Variants in SND1 observed in about 807,000 individuals in gnomAD.
SND1 encodes staphylococcal nuclease and tudor domain containing 1.
SND1 carries 38 observed loss-of-function variants against 121.7 expected under a neutral mutation model. The observed-to-expected ratio is 0.31, with a 90% CI of 0.24 to 0.41. The LOEUF is 0.41. SND1 is among the 10% of genes least tolerant of loss of function. The pLI is 1.00. For missense variants in SND1, 868 were observed against 1,184.6 expected, an observed-to-expected ratio of 0.73 and a Z score of 3.92; for synonymous variants, 401 against 447.4, an observed-to-expected ratio of 0.90 and a Z score of 1.31.
chr7:127,938,270 T>C (rs1460348170), intron 15 of SND1, among the ~76,000 whole-genome samples: 1 of 152,216 alleles, frequency 6.6e-6, no homozygotes, highest in Non-Finnish European at 1.5e-5. Flanking sequence ...TTGGGTAGTG[T>C]TTTTTAATGA....
intron 10 of SND1, among the ~76,000 whole-genome samples, chr7:127,722,861 A>G (rs531703050): frequency 6.6e-6 from 1 of 152,274 alleles, no homozygotes; most frequent in South Asian, 2.1e-4. Context: ...GTATTATGGT[A>G]AGGTTGAGAA....
At chr7:127,785,237 G>A (rs1797790907) in intron 10 of SND1, among the ~76,000 whole-genome samples, 1 of 152,134 alleles carries the variant, frequency 6.6e-6, no homozygotes, top group Non-Finnish European at 1.5e-5. Flanking sequence ...ACCAGTGGAA[G>A]GAAGGAAGGG....
intron 16 of SND1, among the ~76,000 whole-genome samples, chr7:128,046,365 G>GTTTTTTT (rs373853260): frequency 8.7e-6 from 1 of 115,250 alleles, no homozygotes; most frequent in Non-Finnish European, 1.8e-5. Context: ...TTGTTGTTGT[G>GTTTTTTT]TTTTTTTTTT....
chr7:127,919,703 G>T (rs1800658063), intron 14 of SND1, among the ~76,000 whole-genome samples: 1 of 152,146 alleles, frequency 6.6e-6, no homozygotes, highest in Admixed American at 6.5e-5. Context: ...GATGTTTATT[G>T]TAGTATTCCT....
At chr7:128,067,950 C>T (rs1279680453) in intron 16 of SND1, among the ~76,000 whole-genome samples, 1 of 152,082 alleles carries the variant, frequency 6.6e-6, no homozygotes, top group Non-Finnish European at 1.5e-5. Flanking sequence ...CCCCCAGTGC[C>T]CTCGGCTCCC....
intron 16 of SND1, among the ~76,000 whole-genome samples, chr7:128,002,155 C>T (rs1189526007): frequency 6.6e-6 from 1 of 152,204 alleles, no homozygotes; most frequent in Non-Finnish European, 1.5e-5. Context: ...TACCCCTATT[C>T]GGGTTGTCCA....
At chr7:127,864,449 CTG>C (rs547363162) in intron 12 of SND1, among the ~76,000 whole-genome samples, 8 of 152,116 alleles carry the variant, frequency 5.3e-5, no homozygotes, top group African/African-American at 1.9e-4. Flanking sequence ...TTATTTGAAT[CTG>C]TGAGCATGTC....
intron 10 of SND1, among the ~76,000 whole-genome samples, chr7:127,795,535 GTAT>G (rs2116551087): frequency 6.6e-6 from 1 of 152,194 alleles, no homozygotes; most frequent in Admixed American, 6.5e-5. Flanking sequence ...ACTCTGAATG[GTAT>G]TATATGTGTT....
intron 12 of SND1, among the ~76,000 whole-genome samples, chr7:127,856,407 A>G (rs1336648050): frequency 6.6e-6 from 1 of 152,220 alleles, no homozygotes; most frequent in Non-Finnish European, 1.5e-5. Context: ...GCCATAGTCC[A>G]TGGAGCTTTT....
At chr7:127,867,851 C>T (rs551216754) in intron 12 of SND1, among the ~76,000 whole-genome samples, 5 of 152,048 alleles carry the variant, frequency 3.3e-5, no homozygotes, top group African/African-American at 1.2e-4. Context: ...CCCCTCCCTA[C>T]CTCTCCATGT....
intron 10 of SND1, among the ~76,000 whole-genome samples, chr7:127,757,157 T>G (rs1797212232): frequency 6.6e-6 from 1 of 152,226 alleles, no homozygotes; most frequent in Non-Finnish European, 1.5e-5. Context: ...TAGTTATGCC[T>G]TCTCAAACTT....
chr7:127,716,100 A>G (rs1248772857), intron 9 of SND1, among the ~76,000 whole-genome samples: 2 of 152,168 alleles, frequency 1.3e-5, no homozygotes. Context: ...ACCATGTGGT[A>G]TTGATTACTG....
chr7:127,904,800 G>T lies in SND1; in HGVS notation c.1508G>T (p.Arg503Leu). 6.2e-7 allele frequency: 1 copy of T among 1,609,782 alleles called. No homozygotes were observed. ...AGCAAGAAGGAAGTGCCTATCCACC[G>T]TGTTGCAGATATATCTGGGGTGAGT... Reference protein sequence around the residue: ...LHSKKEVPIHRVADISGDTQK... With the variant: ...LHSKKEVPIHLVADISGDTQK... Residue 503 changes from arginine (R) to leucine (L), a missense_variant, in exon 14 of 24, where the codon CGT (arginine) becomes CTT (leucine). This residue lies in a region of SND1 where 743 missense variants were observed against 1,071.3 expected (regional missense o/e 0.69). Coordinates refer to ENST00000354725, the MANE Select transcript of SND1 (RefSeq NM_014390.4).
intron 13 of SND1, among the ~76,000 whole-genome samples, chr7:127,892,172 C>G (rs1454769826): frequency 6.6e-6 from 1 of 152,106 alleles, no homozygotes; most frequent in Non-Finnish European, 1.5e-5. Context: ...TTAAACTTGT[C>G]TGACTTAGGT....
At chr7:128,037,128 G>C (rs777532301) in intron 16 of SND1, among the ~76,000 whole-genome samples, 15 of 152,156 alleles carry the variant, frequency 9.9e-5, no homozygotes, top group Non-Finnish European at 2.1e-4. Context: ...CCACATAGTT[G>C]GTGATTTAAA....
chr7:128,077,274 C>G (rs1459010162), intron 17 of SND1, among the ~76,000 whole-genome samples: 1 of 152,240 alleles, frequency 6.6e-6, no homozygotes, highest in Non-Finnish European at 1.5e-5. Flanking sequence ...TCCTCATCAC[C>G]TGCCAAGAGA....
chr7:128,081,737 G>C, intron 18 of SND1: 1 of 629,018 alleles, frequency 1.6e-6, no homozygotes, highest in Non-Finnish European at 3.0e-6. Context: ...GCATGGAGGT[G>C]CTGCCGGACA....
intron 2 of SND1, among the ~76,000 whole-genome samples, chr7:127,690,692 G>T (rs1795897351): frequency 6.6e-6 from 1 of 152,192 alleles, no homozygotes; most frequent in Non-Finnish European, 1.5e-5. Flanking sequence ...ACATTTAAAT[G>T]AATAATGAGG....
rs1192916256 is a variant in SND1, at chr7:128,007,697, CT to C, written c.1779+16645del. On this transcript the variant is annotated intron_variant, in intron 16 of 23. Transcript: ENST00000354725. ...CTTTGTCAAACAAACTAAAATAGAGCTTTTCCTTTGTTGGTTAGAAAAATTT... is the reference window on the plus strand; with the variant it reads ...CTTTGTCAAACAAACTAAAATAGAGCTTTCCTTTGTTGGTTAGAAAAATTT... 5.3e-5 allele frequency among the ~76,000 whole-genome samples: 8 copies of C among 152,298 alleles called. No homozygotes were observed. In the South Asian group the frequency reaches 1.4e-3, roughly 28 times the overall value.
Sources: gnomAD v4.1 joint callset for allele counts (sites outside exome capture counted in the v4.1 genomes callset) on GRCh38, gnomAD v4.1.1 for gene constraint, gnomAD v4.1.1 regional missense constraint, MANE v1.5 for transcripts, NCBI Gene and HGNC (gene_info 2026-07-23, HGNC 2026-07-21) for gene names.